SASH1: variants seen among roughly 807,000 people sequenced by gnomAD.
The protein encoded by SASH1 is SAM and SH3 domain-containing protein 1.
A neutral mutation model predicts 125.2 loss-of-function variants in SASH1; 44 were observed. That is an observed-to-expected ratio of 0.35 (90% CI 0.28 to 0.45). SASH1 has a LOEUF of 0.45. SASH1 is among the 20% of genes least tolerant of loss of function. The pLI is 1.00. For missense variants in SASH1, 1,426 were observed against 1,614.5 expected, an observed-to-expected ratio of 0.88 and a Z score of 2.00; for synonymous variants, 639 against 649.1, an observed-to-expected ratio of 0.98 and a Z score of 0.24.
chr6:148,456,337 C>A (rs1020968640), intron 4 of SASH1, among the ~76,000 whole-genome samples: 1 of 152,168 alleles, frequency 6.6e-6, no homozygotes, highest in African/African-American at 2.4e-5. Flanking sequence ...CCATACCGCC[C>A]GAGCGTGTGG....
At chr6:148,384,921 G>A (rs539714534) in intron 1 of SASH1, among the ~76,000 whole-genome samples, 1 of 152,196 alleles carries the variant, frequency 6.6e-6, no homozygotes, top group South Asian at 2.1e-4. Context: ...ATTTTTTAAA[G>A]CCTGAATTTT....
the SASH1 span, among the ~76,000 whole-genome samples, chr6:148,259,798 G>A: frequency 1.3e-5 from 2 of 152,150 alleles, no homozygotes; most frequent in South Asian, 2.1e-4. Context: ...TACTTCTGTT[G>A]GGATCATAAC....
chr6:148,243,322 T>A, the SASH1 span, among the ~76,000 whole-genome samples: 1 of 152,032 alleles, frequency 6.6e-6, no homozygotes, highest in Non-Finnish European at 1.5e-5. Flanking sequence ...TGGTGGCTCA[T>A]GCCTGTAATC....
chr6:148,546,805 C>A (rs890554739), intron 19 of SASH1, among the ~76,000 whole-genome samples: 2 of 151,898 alleles, frequency 1.3e-5, no homozygotes, highest in Admixed American at 6.6e-5. Flanking sequence ...TCTGCACATG[C>A]GTAATGTATG....
intron 10 of SASH1, among the ~76,000 whole-genome samples, chr6:148,521,769 T>C (rs2115359575): frequency 6.6e-6 from 1 of 152,374 alleles, no homozygotes; most frequent in South Asian, 2.1e-4. Context: ...TGTATTTATT[T>C]TTTACTTTCA....
intron 8 of SASH1, among the ~76,000 whole-genome samples, chr6:148,502,425 T>A (rs866423872): frequency 6.6e-6 from 1 of 152,248 alleles, no homozygotes; most frequent in Non-Finnish European, 1.5e-5. Context: ...AAACACACTT[T>A]CAAGTAACTC....
At chr6:148,245,948 A>T in the SASH1 span, among the ~76,000 whole-genome samples, 1 of 151,664 alleles carries the variant, frequency 6.6e-6, no homozygotes, top group Non-Finnish European at 1.5e-5. Context: ...GCACCACTGT[A>T]CTCCAGCCTG....
intron 1 of SASH1, among the ~76,000 whole-genome samples, chr6:148,369,588 A>T (rs78335751): frequency 0.029 from 4,459 of 152,248 alleles, 211 homozygotes; most frequent in East Asian, 0.18. Context: ...AAAAAATTTA[A>T]TAACTTTCTT....
intron 1 of SASH1, among the ~76,000 whole-genome samples, chr6:148,387,608 C>G (rs1162324104): frequency 6.6e-4 from 12 of 18,088 alleles, no homozygotes; most frequent in Non-Finnish European, 1.2e-3. Flanking sequence ...TTCTTTCTTT[C>G]TTTCTTTCTT....
At chr6:148,327,348 G>A (rs542430201) in intron 1 of SASH1, among the ~76,000 whole-genome samples, 213 of 150,074 alleles carry the variant, frequency 1.4e-3, no homozygotes, top group African/African-American at 4.7e-3. Context: ...GCAGTAGCAC[G>A]ATCTCGGCTC....
chr6:148,419,167 A>C (rs1784942551), intron 2 of SASH1, among the ~76,000 whole-genome samples: 1 of 152,178 alleles, frequency 6.6e-6, no homozygotes, highest in African/African-American at 2.4e-5. Context: ...TTGTCTGGTG[A>C]TTAAAATTTG....
chr6:148,245,619 G>C, the SASH1 span, among the ~76,000 whole-genome samples: 1 of 152,280 alleles, frequency 6.6e-6, no homozygotes, highest in Non-Finnish European at 1.5e-5. Flanking sequence ...CGGAAGACAT[G>C]TTAGTGAGAA....
chr6:148,325,740 T>A (rs1446085647), intron 1 of SASH1, among the ~76,000 whole-genome samples: 1 of 152,060 alleles, frequency 6.6e-6, no homozygotes, highest in Non-Finnish European at 1.5e-5. Context: ...GGAGACACAG[T>A]CAAACCATAT....
At chr6:148,436,944 A>G (rs1316664107) in intron 2 of SASH1, among the ~76,000 whole-genome samples, 1 of 152,236 alleles carries the variant, frequency 6.6e-6, no homozygotes, top group Non-Finnish European at 1.5e-5. Context: ...AACATGCCCA[A>G]AAGTTATACA....
intron 1 of SASH1, among the ~76,000 whole-genome samples, chr6:148,372,809 C>T (rs1420732981): frequency 2.6e-5 from 4 of 152,166 alleles, no homozygotes; most frequent in African/African-American, 9.7e-5. Flanking sequence ...TCTTTGCCCT[C>T]CTGGACTTGA....
chr6:148,539,629 ATTTATC>A (rs1782095693), intron 16 of SASH1, among the ~76,000 whole-genome samples: 1 of 152,120 alleles, frequency 6.6e-6, no homozygotes, highest in African/African-American at 2.4e-5. Context: ...TCAGTCATCC[ATTTATC>A]TATACCAGCA....
chr6:148,195,673 A>C, the SASH1 span, among the ~76,000 whole-genome samples: 1 of 152,186 alleles, frequency 6.6e-6, no homozygotes, highest in African/African-American at 2.4e-5. Context: ...GAGCTAAGTC[A>C]GCAGCCCCAG....
At chr6:148,440,522 T>C in intron 4 of SASH1, 115 bp downstream of exon 4, 1 of 863,770 alleles carries the variant, frequency 1.2e-6, no homozygotes, top group South Asian at 1.5e-5. Context: ...TTATGCGATG[T>C]CATTTTCCTT....
chr6:148,520,895 G>A (rs1780767260), intron 10 of SASH1, among the ~76,000 whole-genome samples: 1 of 152,148 alleles, frequency 6.6e-6, no homozygotes, highest in African/African-American at 2.4e-5. Flanking sequence ...GTAGAGGCAA[G>A]CAGAAAGTTC....
Sources: gnomAD v4.1 joint callset for allele counts (sites outside exome capture counted in the v4.1 genomes callset) on GRCh38, gnomAD v4.1.1 for gene constraint, MANE v1.5 for transcripts, NCBI Gene and HGNC (gene_info 2026-07-23, HGNC 2026-07-21) for gene names.